The following ROBO2 variants were observed in gnomAD, a reference collection of about 807,000 sequenced individuals.
ROBO2 encodes the protein roundabout homolog 2.
Under a neutral mutation model 160.8 loss-of-function variants are expected in ROBO2, and 53 were observed. That is an observed-to-expected ratio of 0.33 (90% CI 0.26 to 0.41). The LOEUF is 0.41. Among genes scored for constraint, ROBO2 ranks in the 10% least tolerant of loss-of-function variants. The probability of loss-of-function intolerance (pLI) is 1.00; values close to 1 mark genes in which losing one functional copy is unlikely to be tolerated. For synonymous variants in ROBO2, 664 were observed against 611.7 expected, an observed-to-expected ratio of 1.09 and a Z score of -1.26; for missense variants, 1,577 against 1,722.4, an observed-to-expected ratio of 0.92 and a Z score of 1.49.
intron 2 of ROBO2, among the ~76,000 whole-genome samples, chr3:77,429,934 G>T (rs575760986): frequency 1.3e-5 from 2 of 152,296 alleles, no homozygotes; most frequent in South Asian, 2.1e-4. Context: ...GAGCCTAAGA[G>T]TGGGAGCCCC....
exon 8 of ROBO2, chr3:77,550,858 G>A: frequency 6.2e-7 from 1 of 1,613,080 alleles, no homozygotes; most frequent in Non-Finnish European, 8.5e-7. Context: ...CCCAACAGTA[G>A]ATGCTCAGTG....
At chr3:77,124,556 TATAAC>T (rs1181604684) in intron 2 of ROBO2, among the ~76,000 whole-genome samples, 1 of 152,178 alleles carries the variant, frequency 6.6e-6, no homozygotes, top group Non-Finnish European at 1.5e-5. Context: ...CACAATGTGA[TATAAC>T]ATAAGTTATA....
chr3:77,095,794 C>G (rs2070977220), intron 1 of ROBO2, among the ~76,000 whole-genome samples: 1 of 152,046 alleles, frequency 6.6e-6, no homozygotes, highest in African/African-American at 2.4e-5. Flanking sequence ...TTTAAAAATT[C>G]ATTGTTACTT....
At chr3:77,646,256 C>G (rs1251198865) in exon 26 of ROBO2, 1 of 421,418 alleles carries the variant, frequency 2.4e-6, no homozygotes, top group Non-Finnish European at 4.3e-6. Flanking sequence ...CCCACCTTAA[C>G]TCTTTCTTGT....
chr3:77,380,394 G>A (rs1452246642), intron 2 of ROBO2, among the ~76,000 whole-genome samples: 1 of 152,168 alleles, frequency 6.6e-6, no homozygotes, highest in Non-Finnish European at 1.5e-5. Flanking sequence ...CATATGGAAA[G>A]AGGAGAACTG....
intron 2 of ROBO2, among the ~76,000 whole-genome samples, chr3:76,570,139 A>C (rs944231514): frequency 9.2e-5 from 14 of 152,128 alleles, no homozygotes; most frequent in African/African-American, 3.4e-4. Flanking sequence ...GCCCCCAAAA[A>C]TAAAAAATAA....
chr3:77,264,956 T>C lies in ROBO2; in HGVS notation c.388+166616T>C, dbSNP rs191057170. ...AGAAAAATCTCTTTATTCTTGTTCC[T>C]TTAGAAATACCTTGAACAATTAGAA... On this transcript the variant is annotated intron_variant, in intron 2 of 25. Coordinates refer to ENST00000461745, the Ensembl canonical transcript of ROBO2. 1.5e-3 allele frequency among the ~76,000 whole-genome samples: 236 copies of C among 152,308 alleles called. 1 individual carries two copies. The highest frequency in any genetic ancestry group is 5.4e-3 in the African/African-American group (224 of 41,578).
intron 2 of ROBO2, among the ~76,000 whole-genome samples, chr3:76,458,026 A>T (rs953113250): frequency 2.2e-4 from 34 of 152,290 alleles, no homozygotes; most frequent in African/African-American, 7.5e-4. Flanking sequence ...TGTCTCTGAC[A>T]TGGCCTGGAG....
At chr3:76,571,741 T>G (rs577419490) in intron 2 of ROBO2, among the ~76,000 whole-genome samples, 1 of 152,144 alleles carries the variant, frequency 6.6e-6, no homozygotes, top group Non-Finnish European at 1.5e-5. Flanking sequence ...AGAAGGTAAT[T>G]TCTAGCTGAT....
chr3:76,747,604 T>C (rs2093914727), intron 2 of ROBO2, among the ~76,000 whole-genome samples: 1 of 152,006 alleles, frequency 6.6e-6, no homozygotes, highest in African/African-American at 2.4e-5. Flanking sequence ...AATTAAAATA[T>C]AGTTAAGAAT....
chr3:76,729,936 C>G (rs981835594), intron 2 of ROBO2, among the ~76,000 whole-genome samples: 5 of 152,032 alleles, frequency 3.3e-5, no homozygotes, highest in African/African-American at 1.2e-4. Flanking sequence ...CTTCGCCCGG[C>G]CTACACATGT....
intron 2 of ROBO2, among the ~76,000 whole-genome samples, chr3:77,259,988 C>T (rs1580447214): frequency 6.6e-6 from 1 of 152,188 alleles, no homozygotes. Context: ...GTGGCACTAC[C>T]TGTGGGACAC....
chr3:76,209,721 A>G (rs1703025555), intron 2 of ROBO2, among the ~76,000 whole-genome samples: 1 of 152,114 alleles, frequency 6.6e-6, no homozygotes, highest in Admixed American at 6.6e-5. Flanking sequence ...GTGTAAAAAG[A>G]TGTGTCGTGC....
intron 2 of ROBO2, among the ~76,000 whole-genome samples, chr3:76,362,609 G>A (rs540692379): frequency 6.2e-4 from 95 of 152,212 alleles, no homozygotes; most frequent in African/African-American, 1.9e-3. Flanking sequence ...GAATACATGT[G>A]TGTAATATGT....
At chr3:76,436,615 T>G (rs2076695713) in intron 2 of ROBO2, among the ~76,000 whole-genome samples, 1 of 151,986 alleles carries the variant, frequency 6.6e-6, no homozygotes, top group African/African-American at 2.4e-5. Flanking sequence ...CTGAGACCTG[T>G]GGAAATAAAC....
At chr3:77,500,195 G>T (rs2087380874) in intron 5 of ROBO2, among the ~76,000 whole-genome samples, 1 of 152,200 alleles carries the variant, frequency 6.6e-6, no homozygotes, top group African/African-American at 2.4e-5. Flanking sequence ...ATTTAGGGAG[G>T]ACTTACCATG....
intron 2 of ROBO2, among the ~76,000 whole-genome samples, chr3:77,352,644 T>G (rs2068517524): frequency 6.6e-6 from 1 of 152,154 alleles, no homozygotes; most frequent in Non-Finnish European, 1.5e-5. Flanking sequence ...AAAACTTTTG[T>G]TTTGTAAAAA....
At chr3:76,147,822 C>T (rs1029922400) in intron 2 of ROBO2, among the ~76,000 whole-genome samples, 2 of 152,006 alleles carry the variant, frequency 1.3e-5, no homozygotes, top group Non-Finnish European at 2.9e-5. Context: ...ATGGAGACTG[C>T]ATTCTTTGGT....
intron 24 of ROBO2, among the ~76,000 whole-genome samples, chr3:77,643,546 T>C (rs2095377225): frequency 6.6e-6 from 1 of 152,140 alleles, no homozygotes; most frequent in Admixed American, 6.6e-5. Context: ...ATAAATTTCA[T>C]TGTTTGTAGT....
Sources: gnomAD v4.1 joint callset for allele counts (sites outside exome capture counted in the v4.1 genomes callset) on GRCh38, gnomAD v4.1.1 for gene constraint, MANE v1.5 for transcripts, NCBI Gene and HGNC (gene_info 2026-07-23, HGNC 2026-07-21) for gene names.